Variants in CDH13 observed in about 807,000 individuals in gnomAD.
CDH13 encodes the protein cadherin-13.
In CDH13, 24 loss-of-function variants were observed where a neutral mutation model predicts 63.8. The ratio of observed to expected loss-of-function variants is 0.38; its 90% CI spans 0.27 to 0.53. CDH13 has a LOEUF of 0.53. CDH13 is among the 20% of genes least tolerant of loss of function. The pLI is 0.85. For synonymous variants in CDH13, 503 were observed against 355.3 expected (o/e 1.42, Z -4.67); for missense variants, 1,049 against 903.1 (o/e 1.16, Z -2.07).
intron 1 of CDH13, among the ~76,000 whole-genome samples, chr16:82,701,206 A>T (rs1010242963): frequency 6.6e-6 from 1 of 151,770 alleles, no homozygotes; most frequent in Non-Finnish European, 1.5e-5. Context: ...TGTTGATGCT[A>T]CCTCTGAAAT....
At chr16:82,928,850 C>T (rs533207191) in intron 2 of CDH13, among the ~76,000 whole-genome samples, 1 of 152,292 alleles carries the variant, frequency 6.6e-6, no homozygotes, top group Admixed American at 6.5e-5. Context: ...GAACTGAAAA[C>T]ACTTAGCCTC....
intron 5 of CDH13, among the ~76,000 whole-genome samples, chr16:83,256,648 G>A (rs1001239562): frequency 2.8e-5 from 4 of 141,878 alleles, no homozygotes; most frequent in East Asian, 4.2e-4. Context: ...TGGCTAACAC[G>A]GTGAAACCCC....
chr16:82,965,392 A>T (rs1277712006), intron 2 of CDH13, among the ~76,000 whole-genome samples: 1 of 152,206 alleles, frequency 6.6e-6, no homozygotes, highest in African/African-American at 2.4e-5. Context: ...TAAGTTTTCT[A>T]TGGAGTATTT....
intron 1 of CDH13, among the ~76,000 whole-genome samples, chr16:82,725,812 A>G (rs778809757): frequency 2.0e-5 from 3 of 152,168 alleles, no homozygotes; most frequent in Non-Finnish European, 4.4e-5. Flanking sequence ...ACTTATTACC[A>G]GGTTATTTCA....
rs376705103 is a variant in CDH13 at position 83,749,459 on chromosome 16, G to C, written c.1681+1209G>C. On this transcript the variant is annotated intron_variant, in intron 11 of 13. Coordinates refer to ENST00000567109, the MANE Select transcript of CDH13 (RefSeq NM_001257.5). ...GGAATCAAAACTAGAAGGGGGCACA[G>C]CACAGGAGGTAAGAAAAGGAAAAAA... is the stretch of plus-strand genomic sequence containing the variant. 3.3e-4 allele frequency among the ~76,000 whole-genome samples: 50 copies of C among 152,300 alleles called. No individual in the cohort carries two copies. The South Asian group carries it at 9.1e-3, about 28-fold the overall frequency.
chr16:83,241,866 T>G (rs1214904225), intron 5 of CDH13, among the ~76,000 whole-genome samples: 2 of 152,214 alleles, frequency 1.3e-5, no homozygotes, highest in Non-Finnish European at 2.9e-5. Context: ...TAGTTTTGCT[T>G]TTGTTGTCTG....
intron 5 of CDH13, among the ~76,000 whole-genome samples, chr16:83,231,877 A>C (rs1428490758): frequency 6.6e-6 from 1 of 152,136 alleles, no homozygotes; most frequent in Non-Finnish European, 1.5e-5. Context: ...ACCCCTCCTG[A>C]ATGGTTCAGT....
chr16:82,639,274 G>A, intron 1 of CDH13: 2 of 865,788 alleles, frequency 2.3e-6, no homozygotes, highest in Non-Finnish European at 3.5e-6. Flanking sequence ...TGGACTTCCT[G>A]TCTGGGCTAC....
chr16:83,617,610 T>C (rs536434409), intron 8 of CDH13, among the ~76,000 whole-genome samples: 1 of 151,464 alleles, frequency 6.6e-6, no homozygotes, highest in East Asian at 1.9e-4. Flanking sequence ...TATGTACATA[T>C]CTTAATATGC....
chr16:82,929,170 A>G (rs188863790), intron 2 of CDH13, among the ~76,000 whole-genome samples: 387 of 152,300 alleles, frequency 2.5e-3, no homozygotes, highest in Non-Finnish European at 4.3e-3. Flanking sequence ...AGCATATATC[A>G]TAGAAGGAAT....
intron 4 of CDH13, among the ~76,000 whole-genome samples, chr16:83,201,023 A>G (rs962368822): frequency 4.6e-5 from 7 of 151,396 alleles, no homozygotes; most frequent in Non-Finnish European, 1.0e-4. Context: ...CTGTTGGAGG[A>G]TACCAGAATA....
At chr16:83,451,737 T>A (rs1359074416) in intron 6 of CDH13, among the ~76,000 whole-genome samples, 1 of 152,204 alleles carries the variant, frequency 6.6e-6, no homozygotes, top group Non-Finnish European at 1.5e-5. Context: ...AGGCTGGTCT[T>A]GAACTCCTGG....
chr16:83,010,170 G>GGC (rs1913998493), intron 2 of CDH13, among the ~76,000 whole-genome samples: 1 of 95,288 alleles, frequency 1.0e-5, no homozygotes, highest in Non-Finnish European at 2.2e-5. Flanking sequence ...AAACAAGAAT[G>GGC]GCTCAGGTAG....
At chr16:83,562,803 C>G (rs2075731337) in intron 7 of CDH13, among the ~76,000 whole-genome samples, 1 of 152,154 alleles carries the variant, frequency 6.6e-6, no homozygotes. Flanking sequence ...TCCTATAAAA[C>G]TAATAACAAA....
chr16:82,942,047 T>C (rs1191655467), intron 2 of CDH13, among the ~76,000 whole-genome samples: 2 of 152,238 alleles, frequency 1.3e-5, no homozygotes, highest in East Asian at 1.9e-4. Flanking sequence ...TGTATTTTAA[T>C]GAAGGCTAAT....
At chr16:83,651,011 G>T (rs1322941150) in intron 8 of CDH13, among the ~76,000 whole-genome samples, 1 of 151,964 alleles carries the variant, frequency 6.6e-6, no homozygotes, top group African/African-American at 2.4e-5. Context: ...TGAGGCAGAA[G>T]GCTCCATTGA....
At chr16:82,737,694 C>T (rs2033741527) in intron 1 of CDH13, among the ~76,000 whole-genome samples, 2 of 152,156 alleles carry the variant, frequency 1.3e-5, no homozygotes, top group Admixed American at 6.5e-5. Flanking sequence ...CAGAACCTGC[C>T]CTTAGTTCTA....
At chr16:83,493,577 A>C (rs957669614) in intron 7 of CDH13, among the ~76,000 whole-genome samples, 1 of 152,174 alleles carries the variant, frequency 6.6e-6, no homozygotes, top group African/African-American at 2.4e-5. Flanking sequence ...TGGGGAAAGG[A>C]GTGGCATGGA....
At chr16:83,474,780 G>C (rs1363487325) in intron 6 of CDH13, among the ~76,000 whole-genome samples, 3 of 152,214 alleles carry the variant, frequency 2.0e-5, no homozygotes, top group African/African-American at 7.2e-5. Context: ...CCAGAGCTTA[G>C]GGCTGGAGAA....
Sources: allele counts gnomAD v4.1 joint callset (sites outside exome capture counted in the v4.1 genomes callset), GRCh38; gene constraint gnomAD v4.1.1; transcripts MANE v1.5; gene names NCBI Gene and HGNC (gene_info 2026-07-23, HGNC 2026-07-21).